NMUR1: variants seen among roughly 807,000 people sequenced by gnomAD.
NMUR1 encodes neuromedin U receptor 1.
Under a neutral mutation model 18.8 loss-of-function variants are expected in NMUR1, and 16 were observed. That is an observed-to-expected ratio of 0.85 (90% CI 0.58 to 1.29). NMUR1 has a LOEUF of 1.29. Among genes scored for constraint, NMUR1 ranks in the 50% most tolerant of loss-of-function variants. NMUR1 has a pLI of 0.00. For synonymous variants in NMUR1, 258 were observed against 258.2 expected (o/e 1.00, Z 0.01); for missense variants, 529 against 580.3 (o/e 0.91, Z 0.91).
In NMUR1 at chr2:231,524,760, C is replaced by T; in HGVS notation, c.*283G>A. 1 of 358,600 alleles carries T rather than the reference C, an allele frequency of 2.8e-6. No individual in the cohort carries two copies. Among genetic ancestry groups the T allele is most frequent in the East Asian group, 4.3e-5 (1 of 23,134 alleles). The allele number at this position is 358,600 out of a possible 1,614,324, so 22.2% of individuals were successfully genotyped here. Reference sequence around the variant, plus strand: ...TCCCCAGAGGGAGGACTGCTGAGCCCCAGCTAACTGTGATATTTCTGCAGG... The same window carrying T: ...TCCCCAGAGGGAGGACTGCTGAGCCTCAGCTAACTGTGATATTTCTGCAGG... On this transcript the variant is annotated 3_prime_UTR_variant, in exon 3 of 3. Transcript: ENST00000305141.
chr2:231,526,564 G>C (rs1364944922), intron 2 of NMUR1, among the ~76,000 whole-genome samples: 2 of 152,240 alleles, frequency 1.3e-5, no homozygotes, highest in Non-Finnish European at 2.9e-5. Flanking sequence ...CTGAGCACAG[G>C]CTTCACCGTG....
chr2:231,527,851 C>G (rs2047371571), intron 2 of NMUR1, among the ~76,000 whole-genome samples: 3 of 152,042 alleles, frequency 2.0e-5, no homozygotes, highest in Admixed American at 2.0e-4. Context: ...AAAAGGGACC[C>G]TGAATTTTCA....
chr2:231,526,629 A>T (rs181764908), intron 2 of NMUR1, among the ~76,000 whole-genome samples: 14 of 152,336 alleles, frequency 9.2e-5, no homozygotes, highest in African/African-American at 2.6e-4. Context: ...CAGGAGCTGC[A>T]CAAGAGACTG....
intron 2 of NMUR1, among the ~76,000 whole-genome samples, chr2:231,527,592 GCCGTGGTCACA>G (rs1302301133): frequency 1.3e-5 from 2 of 148,458 alleles, no homozygotes; most frequent in Non-Finnish European, 3.0e-5. Flanking sequence ...GCTGCAGTGA[GCCGTGGTCACA>G]CCACAGCCTG....
At chr2:231,521,972 T>TC (rs1238214416), downstream of NMUR1, among the ~76,000 whole-genome samples, 55 of 82,158 alleles carry the variant, frequency 6.7e-4, no homozygotes, top group South Asian at 1.6e-3. Context: ...TTTTTTTTTC[T>TC]CTTTTTTTTT....
Position 231,524,843 on chromosome 2 carries a change from T to C in NMUR1, c.*200A>G. 1.8e-6 allele frequency: 1 copy of C among 568,756 alleles called. No individual in the cohort carries two copies. Among genetic ancestry groups the C allele is most frequent in the Non-Finnish European group, 2.9e-6 (1 of 340,658 alleles). 35.2% of individuals were successfully genotyped at this position (568,756 alleles called of 1,614,324 possible). ...CAGATAAGAAGCACAAGGTGTGGCG[T>C]CTGGTCAGTGTGAGTCCTCAGCAGT... On this transcript the variant is annotated 3_prime_UTR_variant, in exon 3 of 3. Coordinates refer to ENST00000305141, the MANE Select transcript of NMUR1 (RefSeq NM_006056.5).
rs148869346 is a variant in NMUR1 at position 231,523,547 on chromosome 2, TGCAA to T, written c.*1492_*1495del. On this transcript the variant is annotated 3_prime_UTR_variant, in exon 3 of 3. Transcript: ENST00000305141. ...AATTGAATTTTTAAAACTAAACATC[TGCAA>T]CCCTGTACCACGTCCTCCACTTTCT... 0.014 allele frequency: 2,949 copies of T among 215,882 alleles called. 49 individuals are homozygous for T. Among genetic ancestry groups the T allele is most frequent in the African/African-American group, 0.04 (1,784 of 44,508 alleles). 13.4% of individuals were successfully genotyped at this position (215,882 alleles called of 1,614,324 possible). A position where few individuals can be genotyped will look rare whatever the true frequency, so the allele number is the denominator to read the frequency against.
At position 231,524,991 on chromosome 2, in the gene NMUR1, A is replaced by C. The variant is rs1293522139; in HGVS notation, c.*52T>G. 6.6e-7 allele frequency: 1 copy of C among 1,507,296 alleles called. No homozygotes were observed. Among genetic ancestry groups the C allele is most frequent in the African/African-American group, 1.4e-5 (1 of 71,776 alleles). 93.4% of individuals were successfully genotyped at this position (1,507,296 alleles called of 1,614,324 possible). On this transcript the variant is annotated 3_prime_UTR_variant, in exon 3 of 3. Coordinates refer to ENST00000305141, the MANE Select transcript of NMUR1 (RefSeq NM_006056.5). ...CAGAGGAAGGCAGATGTGTCTCCCC[A>C]GCTCCAGGTGACCCTCTGGCCCCTC...
At chr2:231,522,528 G>T (rs2047314627), downstream of NMUR1, among the ~76,000 whole-genome samples, 2 of 151,736 alleles carry the variant, frequency 1.3e-5, no homozygotes, top group South Asian at 2.1e-4. Context: ...CAGCACTCAG[G>T]TGCTCACGGC....
At chr2:231,529,288 C>T (rs868201666) in intron 1 of NMUR1, among the ~76,000 whole-genome samples, 25 of 152,052 alleles carry the variant, frequency 1.6e-4, no homozygotes, top group Non-Finnish European at 2.4e-4. Flanking sequence ...GGTGAAACCC[C>T]GTCTCTACTA....
intron 1 of NMUR1, among the ~76,000 whole-genome samples, chr2:231,529,917 T>C (rs538833571): frequency 6.6e-6 from 1 of 152,374 alleles, no homozygotes; most frequent in East Asian, 1.9e-4. Flanking sequence ...GGCTACACAC[T>C]ACAAATGCTT....
Position 231,524,914 on chromosome 2 carries a change from G to T in NMUR1, c.*129C>A, listed in dbSNP as rs2047339285. On this transcript the variant is annotated 3_prime_UTR_variant, in exon 3 of 3. Transcript: ENST00000305141. ...GTTTCCCTCTGAGGGAAACTGAGGT[G>T]CTGGTCAGAATTTCTAGGCTGAACT... 4.0e-6 allele frequency: 5 copies of T among 1,244,042 alleles called. No individual in the cohort carries two copies. Among genetic ancestry groups the T allele is most frequent in the African/African-American group, 3.0e-5 (2 of 66,802 alleles). The allele number at this position is 1,244,042 out of a possible 1,614,324, so 77.1% of individuals were successfully genotyped here.
At chr2:231,528,079 A>T (rs747044959) in intron 2 of NMUR1, 44 bp downstream of exon 2, 1 of 1,511,400 alleles carries the variant, frequency 6.6e-7, no homozygotes, top group Non-Finnish European at 8.8e-7. Context: ...CCAAACTCAT[A>T]CCCAGTGCCT....
At chr2:231,519,986 G>T (rs1343882844), downstream of NMUR1, among the ~76,000 whole-genome samples, 1 of 152,186 alleles carries the variant, frequency 6.6e-6, no homozygotes, top group Admixed American at 6.5e-5. Flanking sequence ...ATGTTTCTAG[G>T]ATCAAATTCT....
Position 231,528,347 on chromosome 2 carries a change from C to G in NMUR1, c.674G>C (p.Arg225Pro), listed in dbSNP as rs767710968. Reference sequence around the variant, plus strand: ...CTGCACTACCATGTTGTAGAGGGCCCGTGGGCGGACCAGCATGCAAACAGC... The same window carrying G: ...CTGCACTACCATGTTGTAGAGGGCCGGTGGGCGGACCAGCATGCAAACAGC... Reference protein sequence around the residue: ...DSAVCMLVRPRALYNMVVQTT... With the variant: ...DSAVCMLVRPPALYNMVVQTT... Residue 225 changes from arginine (R) to proline (P), a missense_variant, in exon 2 of 3, where the codon CGG becomes CCG. By Grantham distance (103) the Arg-to-Pro change is moderately radical. Transcript: ENST00000305141. The G allele has an allele frequency of 3.7e-6, 6 of 1,613,336 alleles. No individual in the cohort carries two copies. Among genetic ancestry groups the G allele is most frequent in the Non-Finnish European group, 3.4e-6 (4 of 1,179,686 alleles).
chr2:231,520,629 C>T (rs867047219), downstream of NMUR1, among the ~76,000 whole-genome samples: 2 of 152,222 alleles, frequency 1.3e-5, no homozygotes, highest in African/African-American at 2.4e-5. Context: ...GGTATATGTG[C>T]TGCTGAAGCC....
In NMUR1 at chr2:231,528,141, G is replaced by C; in HGVS notation, c.880C>G (p.Gln294Glu). Residue 294 changes from glutamine (Q) to glutamate (E), a missense_variant, in exon 2 of 3, where the codon CAA becomes GAA. Gln to Glu is a conservative substitution (Grantham distance 29). Coordinates refer to ENST00000305141, the MANE Select transcript of NMUR1 (RefSeq NM_006056.5). ...RLQQHDRGRRQVTKMLFVLVV... is the reference protein window; with the variant it reads ...RLQQHDRGRREVTKMLFVLVV... ...CACTTACACAGCATCTTGGTCACTT[G>C]TCTCCGGCCCCGATCGTGCTGCTGG... The C allele has an allele frequency of 6.4e-7, 1 of 1,551,722 alleles. No homozygotes were observed. Among genetic ancestry groups the C allele is most frequent in the Non-Finnish European group, 8.7e-7 (1 of 1,147,226 alleles).
In NMUR1 at chr2:231,525,983, C is replaced by CAA. The variant is rs2047353330; in HGVS notation, c.899-559_899-558insTT. ...ACACACACATGCACACACACACACA[C>CAA]TGCCTGCCTTGGCCCCGGCCTTTTC... On this transcript the variant is annotated intron_variant, in intron 2 of 2. Coordinates refer to ENST00000305141, the MANE Select transcript of NMUR1 (RefSeq NM_006056.5). 2.0e-5 allele frequency among the ~76,000 whole-genome samples: 3 copies of CAA among 151,804 alleles called. No homozygotes were observed. The South Asian group carries it at 6.3e-4, about 32-fold the overall frequency.
At chr2:231,527,066 G>C (rs1400749062) in intron 2 of NMUR1, among the ~76,000 whole-genome samples, 1 of 152,102 alleles carries the variant, frequency 6.6e-6, no homozygotes, top group Non-Finnish European at 1.5e-5. Context: ...ATGGCATGGG[G>C]GAAATTCAGC....
Sources: gnomAD v4.1 joint callset for allele counts (sites outside exome capture counted in the v4.1 genomes callset) on GRCh38, gnomAD v4.1.1 for gene constraint, MANE v1.5 for transcripts, NCBI Gene and HGNC (gene_info 2026-07-23, HGNC 2026-07-21) for gene names.